The following ADAMTS12 variants were observed in gnomAD, a reference collection of about 807,000 sequenced individuals.
ADAMTS12 encodes A disintegrin and metalloproteinase with thrombospondin motifs 12.
ADAMTS12 carries 118 observed loss-of-function variants against 167.8 expected under a neutral mutation model. The ratio of observed to expected loss-of-function variants is 0.70; its 90% confidence interval spans 0.61 to 0.82. ADAMTS12 has a LOEUF of 0.82. ADAMTS12 is among the 40% of genes least tolerant of loss of function. ADAMTS12 has a pLI of 0.00. For synonymous variants in ADAMTS12, 704 were observed against 716.9 expected (o/e 0.98, Z 0.29); for missense variants, 1,916 against 1,998.8 (o/e 0.96, Z 0.79).
intron 19 of ADAMTS12, 137 bp downstream of exon 19, chr5:33,575,917 G>T: frequency 2.4e-6 from 3 of 1,226,762 alleles, no homozygotes; most frequent in Non-Finnish European, 3.3e-6. Context: ...GGAGGGGAGG[G>T]CATGGGTCTG....
intron 15 of ADAMTS12, among the ~76,000 whole-genome samples, chr5:33,615,530 T>A (rs1354524935): frequency 6.6e-6 from 1 of 152,202 alleles, no homozygotes; most frequent in African/African-American, 2.4e-5. Flanking sequence ...TGGAAACCCG[T>A]GCCACAATGA....
intron 18 of ADAMTS12, among the ~76,000 whole-genome samples, chr5:33,578,344 C>T (rs1190657833): frequency 1.3e-5 from 2 of 152,128 alleles, no homozygotes; most frequent in Non-Finnish European, 2.9e-5. Flanking sequence ...GAGCCTGAGG[C>T]CCAGGAACTC....
intron 2 of ADAMTS12, among the ~76,000 whole-genome samples, chr5:33,770,717 C>G (rs1320305484): frequency 6.6e-6 from 1 of 151,918 alleles, no homozygotes; most frequent in Non-Finnish European, 1.5e-5. Context: ...CTAGAAGGTC[C>G]TTCCCTGACC....
At chr5:33,775,976 G>A (rs569513092) in intron 2 of ADAMTS12, among the ~76,000 whole-genome samples, 1 of 152,202 alleles carries the variant, frequency 6.6e-6, no homozygotes, top group East Asian at 1.9e-4. Flanking sequence ...CACAAGAGAC[G>A]AAGAAAGTAA....
At chr5:33,559,345 A>G (rs1393873258) in intron 20 of ADAMTS12, among the ~76,000 whole-genome samples, 1 of 152,134 alleles carries the variant, frequency 6.6e-6, no homozygotes, top group African/African-American at 2.4e-5. Context: ...TGTACTCTCT[A>G]CCTGCCAACT....
At chr5:33,677,106 C>T (rs950787012) in intron 5 of ADAMTS12, among the ~76,000 whole-genome samples, 2 of 152,192 alleles carry the variant, frequency 1.3e-5, no homozygotes, top group Admixed American at 1.3e-4. Flanking sequence ...AAGTCTCCAA[C>T]ATCATATGAC....
chr5:33,669,629 G>A lies in ADAMTS12; in HGVS notation c.916-7589C>T, dbSNP rs141323549. ...CTTATTCTGCACTTCTTGAATATACGAGTTGAAGGCCAGAAGGTGTAGTAT... is the reference window on the plus strand; with the variant it reads ...CTTATTCTGCACTTCTTGAATATACAAGTTGAAGGCCAGAAGGTGTAGTAT... On this transcript the variant is annotated intron_variant, in intron 5 of 23. Coordinates refer to ENST00000504830, the MANE Select transcript of ADAMTS12 (RefSeq NM_030955.4). Among the ~76,000 whole-genome samples the A allele has an allele frequency of 1.1e-3, 160 of 151,792 alleles. 1 individual carries two copies. Among genetic ancestry groups the A allele is most frequent in the African/African-American group, 3.6e-3 (149 of 41,364 alleles).
chr5:33,623,543 T>C (rs749264046), intron 14 of ADAMTS12, among the ~76,000 whole-genome samples: 1 of 152,136 alleles, frequency 6.6e-6, no homozygotes, highest in Non-Finnish European at 1.5e-5. Context: ...CCCTGAGGAC[T>C]ATCCATAGCC....
Position 33,891,796 on chromosome 5 carries a change from A to C in ADAMTS12, c.61T>G (p.Phe21Val). The C allele has an allele frequency of 1.2e-6, 2 of 1,614,184 alleles. No homozygotes were observed. The highest frequency in any genetic ancestry group is 1.7e-6 in the Non-Finnish European group (2 of 1,180,028). The change falls in exon 1 of 24, where the codon TTT becomes GTT. Residue 21 changes from phenylalanine (F) to valine (V), a missense_variant. Phe to Val is a conservative substitution (Grantham distance 50, BLOSUM62 -1). Coordinates refer to ENST00000504830, the MANE Select transcript of ADAMTS12 (RefSeq NM_030955.4). ...TGTCTCCCATAGCAAAGCGCCCCAAAGTTAAGGAGCTGAGCCACCACGGAA... is the reference window on the plus strand; with the variant it reads ...TGTCTCCCATAGCAAAGCGCCCCAACGTTAAGGAGCTGAGCCACCACGGAA... ...NLSVVAQLLN[F>V]GALCYGRQPQ... is the part of the protein sequence containing the mutation.
chr5:33,795,940 G>T (rs1183110211), intron 2 of ADAMTS12, among the ~76,000 whole-genome samples: 1 of 152,156 alleles, frequency 6.6e-6, no homozygotes, highest in African/African-American at 2.4e-5. Flanking sequence ...GTGATAAATA[G>T]AATCTTTCTG....
chr5:33,874,243 C>A (rs28896471), intron 2 of ADAMTS12, among the ~76,000 whole-genome samples: 3,234 of 152,182 alleles, frequency 0.021, 110 homozygotes, highest in African/African-American at 0.074. Context: ...AAATTAGCAA[C>A]CTGATTAAAA....
At chr5:33,671,890 CCACACACATCCACATACTCACATA>C (rs1561206436) in intron 5 of ADAMTS12, among the ~76,000 whole-genome samples, 1 of 141,128 alleles carries the variant, frequency 7.1e-6, no homozygotes, top group Non-Finnish European at 1.6e-5. Flanking sequence ...ATATACATAC[CCACACACATCCACATACTCACATA>C]CACACACACC....
At chr5:33,557,469 T>C (rs1561124010) in intron 20 of ADAMTS12, among the ~76,000 whole-genome samples, 1 of 152,154 alleles carries the variant, frequency 6.6e-6, no homozygotes, top group African/African-American at 2.4e-5. Context: ...CAAATCTTTC[T>C]TAGCACATGA....
At chr5:33,563,005 G>T (rs1236142180) in intron 19 of ADAMTS12, among the ~76,000 whole-genome samples, 1 of 152,086 alleles carries the variant, frequency 6.6e-6, no homozygotes, top group African/African-American at 2.4e-5. Flanking sequence ...ACATAATAGA[G>T]TTCTTAGGTA....
intron 3 of ADAMTS12, among the ~76,000 whole-genome samples, chr5:33,749,823 C>T (rs1744914815): frequency 1.3e-5 from 2 of 152,078 alleles, no homozygotes; most frequent in African/African-American, 2.4e-5. Flanking sequence ...TAAATATTTG[C>T]TATTCTCAAT....
At chr5:33,560,397 T>C (rs1322844947) in intron 20 of ADAMTS12, among the ~76,000 whole-genome samples, 2 of 152,124 alleles carry the variant, frequency 1.3e-5, no homozygotes, top group African/African-American at 4.8e-5. Flanking sequence ...AGAAATACCG[T>C]TTGACCCAGC....
chr5:33,600,152 CA>C lies in ADAMTS12; in HGVS notation c.2528-4093del, dbSNP rs1288423247. Among the ~76,000 whole-genome samples the C allele has an allele frequency of 9.2e-5, 14 of 152,296 alleles. No homozygotes were observed. In the South Asian group the frequency reaches 2.7e-3, roughly 29 times the overall value. ...CACAAAGTAGAAATCAGTTGCATTCCAAAATATATGAGAACTAAATTCAAAA... is the reference window on the plus strand; with the variant it reads ...CACAAAGTAGAAATCAGTTGCATTCCAAATATATGAGAACTAAATTCAAAA... On this transcript the variant is annotated intron_variant, in intron 16 of 23. Transcript: ENST00000504830.
chr5:33,891,950 G>C lies in ADAMTS12; in HGVS notation c.-94C>G. On this transcript the variant is annotated 5_prime_UTR_variant, in exon 1 of 24. Coordinates refer to ENST00000504830, the MANE Select transcript of ADAMTS12 (RefSeq NM_030955.4). ...CCTGTGGCCCAGCAGGAAGATGCAG[G>C]GGTGCATGGTCAGGCGCGAGAAGGC... The C allele has an allele frequency of 3.3e-6, 5 of 1,501,922 alleles. No homozygotes were observed. Among genetic ancestry groups the C allele is most frequent in the Non-Finnish European group, 3.6e-6 (4 of 1,115,846 alleles). 93.0% of individuals were successfully genotyped at this position (1,501,922 alleles called of 1,614,324 possible). A position where few individuals can be genotyped will look rare whatever the true frequency, so the allele number is the denominator to read the frequency against.
At chr5:33,806,611 CA>C (rs34224947) in intron 2 of ADAMTS12, among the ~76,000 whole-genome samples, 87,807 of 151,934 alleles carry the variant, frequency 0.58, 25,785 homozygotes, top group East Asian at 0.78. Flanking sequence ...GGGTACATTA[CA>C]AGGCTCTGTC....
Sources: allele counts gnomAD v4.1 joint callset (sites outside exome capture counted in the v4.1 genomes callset), GRCh38; gene constraint gnomAD v4.1.1; transcripts MANE v1.5; gene names NCBI Gene and HGNC (gene_info 2026-07-23, HGNC 2026-07-21).